The following ADK variants were observed in gnomAD, a reference collection of about 807,000 sequenced individuals.
The protein encoded by ADK is N6,N6-dimethyladenosine kinase.
A neutral mutation model predicts 44.7 loss-of-function variants in ADK; 24 were observed. That is an observed-to-expected ratio of 0.54 (90% CI 0.39 to 0.76). The LOEUF (loss-of-function observed/expected upper bound fraction) is 0.76, where lower values mean the gene tolerates loss of function less well. Ranked by LOEUF, ADK falls within the 30% of genes least tolerant of loss-of-function variation. ADK has a pLI of 0.00. For synonymous variants in ADK, 128 were observed against 142.6 expected (o/e 0.90, Z 0.73); for missense variants, 321 against 425.1 (o/e 0.76, Z 2.15).
At chr10:74,608,375 A>G (rs1291328647) in intron 9 of ADK, among the ~76,000 whole-genome samples, 1 of 151,824 alleles carries the variant, frequency 6.6e-6, no homozygotes, top group Non-Finnish European at 1.5e-5. Flanking sequence ...GGATTTATCT[A>G]CCTTTGGTCT....
At chr10:74,463,080 TA>T (rs1386388812) in intron 6 of ADK, among the ~76,000 whole-genome samples, 1 of 151,976 alleles carries the variant, frequency 6.6e-6, no homozygotes, top group African/African-American at 2.4e-5. Context: ...GTGATTATTT[TA>T]TTTTTTTTCT....
intron 1 of ADK, among the ~76,000 whole-genome samples, chr10:74,170,668 C>T (rs1300504721): frequency 2.6e-5 from 4 of 151,458 alleles, no homozygotes; most frequent in African/African-American, 9.7e-5. Flanking sequence ...GGCGTGGTGG[C>T]GGGCACCTGT....
intron 3 of ADK, among the ~76,000 whole-genome samples, chr10:74,224,859 G>A (rs1166354755): frequency 6.6e-6 from 1 of 152,098 alleles, no homozygotes; most frequent in East Asian, 1.9e-4. Context: ...AATATGTCAT[G>A]CTATTTTCTC....
chr10:74,543,432 G>A (rs746197608), intron 7 of ADK, among the ~76,000 whole-genome samples: 1 of 152,170 alleles, frequency 6.6e-6, no homozygotes, highest in Non-Finnish European at 1.5e-5. Context: ...TGGACATTAA[G>A]ACTGTTTCCA....
At chr10:74,187,847 T>A (rs575767144) in intron 1 of ADK, among the ~76,000 whole-genome samples, 2 of 152,342 alleles carry the variant, frequency 1.3e-5, no homozygotes, top group Admixed American at 6.5e-5. Context: ...GCTGTGGGTC[T>A]TTTCTTGGAT....
chr10:74,414,814 C>T (rs961271730), intron 6 of ADK, among the ~76,000 whole-genome samples: 1 of 151,962 alleles, frequency 6.6e-6, no homozygotes, highest in Non-Finnish European at 1.5e-5. Context: ...ATTCTAATAC[C>T]AGTTTTTTTT....
Position 74,553,054 on chromosome 10 carries a change from G to A in ADK, c.726+27628G>A, listed in dbSNP as rs1004924333. ...TTTTTTTTCCTGGTAAAAATTAACCGTACATCTACCCTATGATCCAGCAAG... is the reference window on the plus strand; with the variant it reads ...TTTTTTTTCCTGGTAAAAATTAACCATACATCTACCCTATGATCCAGCAAG... On this transcript the variant is annotated intron_variant, in intron 7 of 10. Coordinates refer to ENST00000539909, the MANE Select transcript of ADK (RefSeq NM_006721.4). Among the ~76,000 whole-genome samples the A allele has an allele frequency of 3.3e-5, 5 of 151,614 alleles. No homozygotes were observed. The South Asian group carries it at 6.3e-4, about 19-fold the overall frequency.
At chr10:74,387,305 T>C (rs374943185) in intron 4 of ADK, among the ~76,000 whole-genome samples, 3 of 152,220 alleles carry the variant, frequency 2.0e-5, no homozygotes, top group Admixed American at 6.5e-5. Flanking sequence ...AACTGAATCT[T>C]TGACGGTTTC....
At chr10:74,485,526 G>T (rs752697723) in intron 6 of ADK, among the ~76,000 whole-genome samples, 1 of 151,074 alleles carries the variant, frequency 6.6e-6, no homozygotes, top group South Asian at 2.1e-4. Flanking sequence ...AAAAATAAGG[G>T]AAATTCAAAT....
rs1243960895 is a variant in ADK, at chr10:74,402,531, G to A, written c.555+3952G>A. Among the ~76,000 whole-genome samples, 8 of 151,718 alleles carry A rather than the reference G, an allele frequency of 5.3e-5. No individual in the cohort carries two copies. In the South Asian group the frequency reaches 6.2e-4, roughly 12 times the overall value. ...CTGATACCCTTTCTTCCACTTGATC[G>A]AATCAGCTACTGAAGCTTGTGCATG... is the stretch of plus-strand genomic sequence containing the variant. On this transcript the variant is annotated intron_variant, in intron 6 of 10. Coordinates refer to ENST00000539909, the MANE Select transcript of ADK (RefSeq NM_006721.4).
At chr10:74,560,761 A>G (rs140651545) in intron 7 of ADK, among the ~76,000 whole-genome samples, 49 of 152,362 alleles carry the variant, frequency 3.2e-4, no homozygotes, top group Non-Finnish European at 6.2e-4. Flanking sequence ...GATAAAAGCC[A>G]AATCACAGTT....
intron 3 of ADK, among the ~76,000 whole-genome samples, chr10:74,248,993 T>C (rs1040669627): frequency 2.0e-5 from 3 of 152,334 alleles, no homozygotes; most frequent in Middle Eastern, 3.4e-3. Context: ...TATTTTCTCA[T>C]TGCTTTATGA....
intron 10 of ADK, among the ~76,000 whole-genome samples, chr10:74,697,722 A>G (rs1856259401): frequency 6.6e-6 from 1 of 152,136 alleles, no homozygotes; most frequent in South Asian, 2.1e-4. Flanking sequence ...CACTGACAAT[A>G]TTTCTTGATT....
At chr10:74,488,688 T>C (rs1190156478) in intron 6 of ADK, among the ~76,000 whole-genome samples, 1 of 151,762 alleles carries the variant, frequency 6.6e-6, no homozygotes, top group Non-Finnish European at 1.5e-5. Context: ...AAATTGTTTT[T>C]CCATTTCATC....
At chr10:74,553,701 G>C (rs1300325621) in intron 7 of ADK, among the ~76,000 whole-genome samples, 1 of 152,072 alleles carries the variant, frequency 6.6e-6, no homozygotes, top group African/African-American at 2.4e-5. Context: ...TTTTTGTTAG[G>C]GGGTATAGGG....
intron 3 of ADK, among the ~76,000 whole-genome samples, chr10:74,225,489 G>A (rs1844500072): frequency 6.6e-6 from 1 of 152,088 alleles, no homozygotes; most frequent in Non-Finnish European, 1.5e-5. Flanking sequence ...AGGACTTCAA[G>A]ACTATTATTT....
chr10:74,474,569 A>G (rs186877427), intron 6 of ADK, among the ~76,000 whole-genome samples: 208 of 116,362 alleles, frequency 1.8e-3, no homozygotes, highest in Admixed American at 3.2e-3. Flanking sequence ...CCCTCCCCTC[A>G]TTCTCTCTGT....
intron 3 of ADK, among the ~76,000 whole-genome samples, chr10:74,238,516 GC>G (rs754802164): frequency 3.3e-5 from 5 of 152,010 alleles, no homozygotes; most frequent in Non-Finnish European, 7.4e-5. Flanking sequence ...ATTACCTTGT[GC>G]ACTAAAAAAA....
At chr10:74,636,297 AT>A (rs910709855) in intron 9 of ADK, among the ~76,000 whole-genome samples, 1 of 152,190 alleles carries the variant, frequency 6.6e-6, no homozygotes, top group African/African-American at 2.4e-5. Flanking sequence ...TTACACTGAG[AT>A]TTGAGTGCTT....
Sources: allele counts gnomAD v4.1 joint callset (sites outside exome capture counted in the v4.1 genomes callset), GRCh38; gene constraint gnomAD v4.1.1; transcripts MANE v1.5; gene names NCBI Gene and HGNC (gene_info 2026-07-23, HGNC 2026-07-21).